Variants in CDH7 observed in about 807,000 individuals in gnomAD.
CDH7 encodes cadherin-7.
CDH7 carries 25 observed loss-of-function variants against 71.8 expected under a neutral mutation model. That is an observed-to-expected ratio of 0.35 (90% CI 0.25 to 0.49). The LOEUF is 0.49. Among genes scored for constraint, CDH7 ranks in the 20% least tolerant of loss-of-function variants. The pLI is 0.99. For missense variants in CDH7, 862 were observed against 974.6 expected, an observed-to-expected ratio of 0.88 and a Z score of 1.54; for synonymous variants, 381 against 363.8, an observed-to-expected ratio of 1.05 and a Z score of -0.54.
At chr18:65,831,659 G>C (rs1912353233) in intron 6 of CDH7, among the ~76,000 whole-genome samples, 1 of 151,972 alleles carries the variant, frequency 6.6e-6, no homozygotes, top group Non-Finnish European at 1.5e-5. Context: ...CTTTTCCAGG[G>C]AGCTTTCACA....
intron 2 of CDH7, among the ~76,000 whole-genome samples, chr18:65,785,309 G>A (rs1382860645): frequency 6.6e-6 from 1 of 151,978 alleles, no homozygotes; most frequent in African/African-American, 2.4e-5. Context: ...TGTAGAGATA[G>A]CATGAAAATG....
In CDH7 at chr18:65,883,179, TG is replaced by T. The variant is rs978634145; in HGVS notation, c.*2287del. ...CATATACCCAATTGCTATTTATGTG[TG>T]GATGATTATATGAATACAGTATTAC... On this transcript the variant is annotated 3_prime_UTR_variant, in exon 12 of 12. Transcript: ENST00000397968. 2 of 151,996 alleles carry T rather than the reference TG, an allele frequency of 1.3e-5. No homozygotes were observed. Among genetic ancestry groups the T allele is most frequent in the Admixed American group, 1.3e-4 (2 of 15,262 alleles). 9.4% of individuals were successfully genotyped at this position (151,996 alleles called of 1,614,324 possible). A position where few individuals can be genotyped will look rare whatever the true frequency, so the allele number is the denominator to read the frequency against.
intron 2 of CDH7, among the ~76,000 whole-genome samples, chr18:65,766,301 C>T (rs748801111): frequency 3.3e-5 from 5 of 152,094 alleles, no homozygotes; most frequent in Non-Finnish European, 4.4e-5. Context: ...AATTAAATGA[C>T]TCTTCAGTCA....
intron 7 of CDH7, among the ~76,000 whole-genome samples, chr18:65,850,121 G>T (rs1358082883): frequency 1.3e-5 from 2 of 149,940 alleles, no homozygotes; most frequent in African/African-American, 4.9e-5. Context: ...CTGAGATCAC[G>T]CCACTGCACT....
chr18:65,798,956 G>T (rs190154571), intron 2 of CDH7, among the ~76,000 whole-genome samples: 2 of 152,180 alleles, frequency 1.3e-5, no homozygotes, highest in Non-Finnish European at 2.9e-5. Context: ...GCTTCATGTG[G>T]TAAGTTCAGG....
chr18:65,771,244 A>G (rs1456166493), intron 2 of CDH7, among the ~76,000 whole-genome samples: 1 of 152,174 alleles, frequency 6.6e-6, no homozygotes, highest in African/African-American at 2.4e-5. Flanking sequence ...ACCTAAATTC[A>G]TTATAATTCA....
chr18:65,831,308 T>A (rs1185256299), intron 6 of CDH7, among the ~76,000 whole-genome samples: 1 of 152,116 alleles, frequency 6.6e-6, no homozygotes, highest in Non-Finnish European at 1.5e-5. Flanking sequence ...GTAAGGAATA[T>A]CCATCACTCT....
intron 2 of CDH7, chr18:65,803,579 C>T (rs1333192107): frequency 2.0e-5 from 3 of 152,094 alleles, no homozygotes; most frequent in Non-Finnish European, 4.4e-5. Context: ...ATGACTCATA[C>T]ATTTGTTTTC....
intron 7 of CDH7, among the ~76,000 whole-genome samples, chr18:65,848,800 T>C (rs769354186): frequency 2.7e-5 from 4 of 150,228 alleles, no homozygotes; most frequent in East Asian, 2.0e-4. Flanking sequence ...TAGAAATATG[T>C]TTATATTTAT....
At chr18:65,793,054 T>C (rs1910770632) in intron 2 of CDH7, among the ~76,000 whole-genome samples, 1 of 152,122 alleles carries the variant, frequency 6.6e-6, no homozygotes, top group Non-Finnish European at 1.5e-5. Flanking sequence ...AGTAATTATC[T>C]CTTACAACTT....
intron 2 of CDH7, among the ~76,000 whole-genome samples, chr18:65,786,458 T>G (rs1910516796): frequency 6.6e-6 from 1 of 152,152 alleles, no homozygotes; most frequent in Admixed American, 6.5e-5. Context: ...AGTGTGAGGC[T>G]CTAAATCTTA....
chr18:65,876,565 T>C (rs150512927), intron 11 of CDH7, among the ~76,000 whole-genome samples: 55 of 152,254 alleles, frequency 3.6e-4, no homozygotes, highest in Middle Eastern at 6.8e-3. Flanking sequence ...AGTATGTTCT[T>C]CCATATCACA....
chr18:65,819,906 T>A (rs74928561), intron 4 of CDH7, among the ~76,000 whole-genome samples: 2,128 of 150,828 alleles, frequency 0.014, 41 homozygotes, highest in African/African-American at 0.048. Flanking sequence ...ATTCGAAGCC[T>A]GAATATGCAG....
intron 4 of CDH7, among the ~76,000 whole-genome samples, chr18:65,818,610 G>A (rs531142328): frequency 2.5e-4 from 38 of 152,146 alleles, no homozygotes; most frequent in Non-Finnish European, 4.7e-4. Flanking sequence ...TTGGTCACAA[G>A]TATCACTGAG....
At chr18:65,778,529 C>CT (rs1156727313) in intron 2 of CDH7, among the ~76,000 whole-genome samples, 1,968 of 84,330 alleles carry the variant, frequency 0.023, 95 homozygotes, top group East Asian at 0.051. Flanking sequence ...GCGTCTCACT[C>CT]TTTTTTTTTT....
Position 65,885,033 on chromosome 18 carries a change from T to C in CDH7, c.*4139T>C, listed in dbSNP as rs1238547989. 1 of 152,224 alleles carries C rather than the reference T, an allele frequency of 6.6e-6. No individual in the cohort carries two copies. The highest frequency in any genetic ancestry group is 6.5e-5 in the Admixed American group (1 of 15,274). The allele number at this position is 152,224 out of a possible 1,614,324, so 9.4% of individuals were successfully genotyped here. Reference sequence around the variant, plus strand: ...TTAGTGTATGTTTATTTTTTAATTATTAATAATGTATATTGTGTGTATATA... The same window carrying C: ...TTAGTGTATGTTTATTTTTTAATTACTAATAATGTATATTGTGTGTATATA... On this transcript the variant is annotated 3_prime_UTR_variant, in exon 12 of 12. Transcript: ENST00000397968.
At position 65,762,901 on chromosome 18, in the gene CDH7, G is replaced by T; in HGVS notation, c.59G>T (p.Cys20Phe). ...HFLQLIALFLCFSGMSQAELS... is the reference protein window; with the variant it reads ...HFLQLIALFLFFSGMSQAELS... ...CTGCAGCTAATAGCTCTTTTCCTGT[G>T]TTTTTCTGGGATGAGTCAAGCAGAA... The change falls in exon 2 of 12, where the codon TGT (cysteine) becomes TTT (phenylalanine). Residue 20 changes from cysteine (C) to phenylalanine (F), a missense_variant. Physicochemically the swap from Cys to Phe is radical, Grantham distance 205. Transcript: ENST00000397968. 1.2e-6 allele frequency: 2 copies of T among 1,613,568 alleles called. No homozygotes were observed. Among genetic ancestry groups the T allele is most frequent in the Non-Finnish European group, 1.7e-6 (2 of 1,179,802 alleles).
At position 65,782,174 on chromosome 18, in the gene CDH7, C is replaced by CTTTTCTTTTCT. The variant is rs1396720194; in HGVS notation, c.210+19125_210+19126insTCTTTTCTTTT. On this transcript the variant is annotated intron_variant, in intron 2 of 11. Transcript: ENST00000397968. ...TCTTTCTTTCTTTCTTCCTTTCTTT[C>CTTTTCTTTTCT]TTTCTTTCTTTCTTGACAGAGTCTC... is the stretch of plus-strand genomic sequence containing the variant. 7.9e-4 allele frequency among the ~76,000 whole-genome samples: 85 copies of CTTTTCTTTTCT among 108,268 alleles called. 7 individuals are homozygous for CTTTTCTTTTCT. Among genetic ancestry groups the CTTTTCTTTTCT allele is most frequent in the African/African-American group, 3.7e-3 (83 of 22,384 alleles). 71.0% of individuals were successfully genotyped at this position (108,268 alleles called of 152,430 possible). A position where few individuals can be genotyped will look rare whatever the true frequency, so the allele number is the denominator to read the frequency against.
chr18:65,765,143 T>C (rs1916315599), intron 2 of CDH7, among the ~76,000 whole-genome samples: 1 of 152,100 alleles, frequency 6.6e-6, no homozygotes, highest in Non-Finnish European at 1.5e-5. Context: ...CCTTTCATAG[T>C]AAATTGTCCA....
Sources: gnomAD v4.1 joint callset for allele counts (sites outside exome capture counted in the v4.1 genomes callset) on GRCh38, gnomAD v4.1.1 for gene constraint, MANE v1.5 for transcripts, NCBI Gene and HGNC (gene_info 2026-07-23, HGNC 2026-07-21) for gene names.